The following SHANK2 variants were observed in gnomAD, a reference collection of about 807,000 sequenced individuals.
SHANK2 encodes SH3 and multiple ankyrin repeat domains 2, also known as SH3 and multiple ankyrin repeat domains protein 2.
In SHANK2, 43 loss-of-function variants were observed where a neutral mutation model predicts 133.7. The ratio of observed to expected loss-of-function variants is 0.32; its 90% CI spans 0.25 to 0.41. SHANK2 has a LOEUF of 0.41. Ranked by LOEUF, SHANK2 falls within the 10% of genes least tolerant of loss-of-function variation. The probability of loss-of-function intolerance (pLI) is 1.00; values close to 1 mark genes in which losing one functional copy is unlikely to be tolerated. For synonymous variants in SHANK2, 1,017 were observed against 952.8 expected (o/e 1.07, Z -1.24); for missense variants, 1,994 against 2,235.8 (o/e 0.89, Z 2.18).
At chr11:71,186,587 C>A (rs1953676583) in intron 2 of SHANK2, among the ~76,000 whole-genome samples, 1 of 152,236 alleles carries the variant, frequency 6.6e-6, no homozygotes, top group South Asian at 2.1e-4. Context: ...CTCCTGAGAA[C>A]ACGGACACTC....
At chr11:70,737,416 C>T (rs569310145) in intron 14 of SHANK2, among the ~76,000 whole-genome samples, 1 of 152,142 alleles carries the variant, frequency 6.6e-6, no homozygotes, top group Admixed American at 6.5e-5. Context: ...ACCTGGGACA[C>T]GCCAGCCCCC....
chr11:70,883,731 G>A (rs1949693867), intron 11 of SHANK2, among the ~76,000 whole-genome samples: 1 of 152,212 alleles, frequency 6.6e-6, no homozygotes, highest in South Asian at 2.1e-4. Flanking sequence ...GAGAAGGGGT[G>A]GGCAAGACCA....
chr11:70,719,645 G>A lies in SHANK2; in HGVS notation c.1778-20882C>T, dbSNP rs1431051662. ...TCATAAAAATAGCCCTACCTGGCAC[G>A]CCAGGGGCCCAGGGGGCTGCTGCTG... On this transcript the variant is annotated intron_variant, in intron 14 of 25. Coordinates refer to ENST00000601538, the MANE Select transcript of SHANK2 (RefSeq NM_012309.5). 7.9e-5 allele frequency among the ~76,000 whole-genome samples: 12 copies of A among 152,074 alleles called. No individual in the cohort carries two copies. The South Asian group carries it at 8.3e-4, about 11-fold the overall frequency.
intron 21 of SHANK2, 43 bp from the exon 22 acceptor site, chr11:70,492,508 G>T (rs1555156170): frequency 3.7e-6 from 6 of 1,612,616 alleles, no homozygotes; most frequent in South Asian, 1.1e-5. Context: ...CACCAGTGGG[G>T]GAAGCTGGGT....
chr11:71,087,750 G>A (rs937398066), intron 8 of SHANK2, among the ~76,000 whole-genome samples: 250 of 152,154 alleles, frequency 1.6e-3, no homozygotes, highest in Admixed American at 3.7e-3. Flanking sequence ...CGCCTCAGCC[G>A]CTCAAGTAGC....
intron 14 of SHANK2, among the ~76,000 whole-genome samples, chr11:70,753,116 AC>A (rs1292765699): frequency 2.0e-5 from 3 of 151,980 alleles, no homozygotes. Context: ...CTGTCTCAAA[AC>A]AAAACAAAAC....
chr11:71,189,501 A>G (rs1018436406), intron 2 of SHANK2, among the ~76,000 whole-genome samples: 2 of 152,136 alleles, frequency 1.3e-5, no homozygotes, highest in Non-Finnish European at 2.9e-5. Flanking sequence ...GGTTCAAGCA[A>G]TCCTCCCATC....
intron 8 of SHANK2, among the ~76,000 whole-genome samples, chr11:71,083,682 G>A (rs1372534770): frequency 3.3e-5 from 5 of 152,144 alleles, no homozygotes; most frequent in African/African-American, 1.2e-4. Flanking sequence ...ACATGGAAAC[G>A]CAGGGTCTGG....
At position 70,524,461 on chromosome 11, in the gene SHANK2, A is replaced by G. The variant is rs564185927; in HGVS notation, c.2062-21530T>C. Among the ~76,000 whole-genome samples the G allele has an allele frequency of 2.0e-5, 3 of 152,336 alleles. No homozygotes were observed. In the South Asian group the frequency reaches 6.2e-4, roughly 32 times the overall value. On this transcript the variant is annotated intron_variant, in intron 17 of 25. Coordinates refer to ENST00000601538, the MANE Select transcript of SHANK2 (RefSeq NM_012309.5). ...AATCGGTACAACCCCAGACACTCGG[A>G]TGCAGCTAAGACCTTGTGAATTCCT...
chr11:70,490,539 C>T, intron 22 of SHANK2, 152 bp from the exon 23 acceptor site: 1 of 715,216 alleles, frequency 1.4e-6, no homozygotes, highest in South Asian at 1.5e-5. Flanking sequence ...CTGATGAGAA[C>T]CACAGCATTG....
chr11:70,705,804 A>C (rs1371647909), intron 14 of SHANK2: 1 of 152,018 alleles, frequency 6.6e-6, no homozygotes, highest in Non-Finnish European at 1.5e-5. Flanking sequence ...AGTTACTACC[A>C]CTCTAGTCTG....
intron 2 of SHANK2, among the ~76,000 whole-genome samples, chr11:71,189,716 C>A (rs1033056654): frequency 6.6e-6 from 1 of 152,242 alleles, no homozygotes. Flanking sequence ...ACCATGAGCC[C>A]ACCAACACTC....
chr11:70,827,852 C>T (rs1555057511), intron 11 of SHANK2, among the ~76,000 whole-genome samples: 1 of 152,042 alleles, frequency 6.6e-6, no homozygotes, highest in African/African-American at 2.4e-5. Context: ...CTGGGGGCCC[C>T]CCAGGAGCCT....
At chr11:71,245,466 TAA>T (rs1157383461) in intron 1 of SHANK2, among the ~76,000 whole-genome samples, 8 of 152,230 alleles carry the variant, frequency 5.3e-5, no homozygotes, top group African/African-American at 1.7e-4. Flanking sequence ...TTCAAAATGC[TAA>T]GAGAGCAAAA....
chr11:70,489,522 C>CTT (rs1591493169), intron 23 of SHANK2, 174 bp from the exon 24 acceptor site: 1 of 704,970 alleles, frequency 1.4e-6, no homozygotes, highest in East Asian at 2.5e-5. Context: ...GCACGCTGCG[C>CTT]TTTTGCACAG....
chr11:70,770,104 C>A lies in SHANK2; in HGVS notation c.1777+28339G>T, dbSNP rs577859385. On this transcript the variant is annotated intron_variant, in intron 14 of 25. Transcript: ENST00000601538. ...CCCTCTGATTCTGGTCGCAAAGCAGCTGAGGGGAAGATGAATACCCTTCTC... is the reference window on the plus strand; with the variant it reads ...CCCTCTGATTCTGGTCGCAAAGCAGATGAGGGGAAGATGAATACCCTTCTC... Among the ~76,000 whole-genome samples, 3 of 152,360 alleles carry A rather than the reference C, an allele frequency of 2.0e-5. No homozygotes were observed. In the South Asian group the frequency reaches 6.2e-4, roughly 32 times the overall value.
chr11:70,806,462 C>A (rs1454770596), intron 13 of SHANK2, among the ~76,000 whole-genome samples: 2 of 152,358 alleles, frequency 1.3e-5, no homozygotes, highest in Middle Eastern at 3.4e-3. Context: ...CTCCCCAATA[C>A]CCCAGGAACA....
intron 2 of SHANK2, among the ~76,000 whole-genome samples, chr11:71,200,893 T>A (rs1954006379): frequency 6.6e-6 from 1 of 151,738 alleles, no homozygotes; most frequent in South Asian, 2.1e-4. Flanking sequence ...GTGACTGTCA[T>A]ATGGGGAAAA....
chr11:70,552,304 G>A (rs143297964), intron 17 of SHANK2, among the ~76,000 whole-genome samples: 324 of 152,254 alleles, frequency 2.1e-3, no homozygotes, highest in Admixed American at 4.9e-3. Context: ...ATGCCTGGGC[G>A]CCTCCAGCCC....
Sources: allele counts gnomAD v4.1 joint callset (sites outside exome capture counted in the v4.1 genomes callset), GRCh38; gene constraint gnomAD v4.1.1; transcripts MANE v1.5; gene names NCBI Gene and HGNC (gene_info 2026-07-23, HGNC 2026-07-21).